Variants in EYA4 observed in about 807,000 individuals in gnomAD.
EYA4 encodes protein phosphatase EYA4.
EYA4 carries 31 observed loss-of-function variants against 87.9 expected under a neutral mutation model. That is an observed-to-expected ratio of 0.35 (90% confidence interval 0.27 to 0.48). The LOEUF is 0.48. Ranked by LOEUF, EYA4 falls within the 20% of genes least tolerant of loss-of-function variation. The pLI is 0.99. For synonymous variants in EYA4, 263 were observed against 270.6 expected (o/e 0.97, Z 0.28); for missense variants, 678 against 761.4 (o/e 0.89, Z 1.29).
chr6:133,369,846 G>A (rs1785133402), intron 2 of EYA4, among the ~76,000 whole-genome samples: 1 of 152,212 alleles, frequency 6.6e-6, no homozygotes, highest in African/African-American at 2.4e-5. Context: ...CAGGTTGCTA[G>A]AGTCTAGGAG....
chr6:133,284,851 AG>A (rs1206400553), intron 2 of EYA4, among the ~76,000 whole-genome samples: 4 of 152,140 alleles, frequency 2.6e-5, no homozygotes, highest in African/African-American at 9.7e-5. Context: ...ATTCTTGTGG[AG>A]GGGGAGACAA....
At chr6:133,331,640 GC>G in intron 2 of EYA4, among the ~76,000 whole-genome samples, 1 of 152,260 alleles carries the variant, frequency 6.6e-6, no homozygotes. Flanking sequence ...TTTTTATACA[GC>G]CATGCTGAGT....
intron 9 of EYA4, among the ~76,000 whole-genome samples, chr6:133,463,153 C>G (rs1355464266): frequency 1.3e-5 from 2 of 152,008 alleles, no homozygotes; most frequent in African/African-American, 4.8e-5. Context: ...TATACTTAAA[C>G]TTGAATTAAC....
At chr6:133,341,135 C>T (rs550872891) in intron 2 of EYA4, among the ~76,000 whole-genome samples, 1 of 152,222 alleles carries the variant, frequency 6.6e-6, no homozygotes, top group Non-Finnish European at 1.5e-5. Flanking sequence ...GAAGATCTTC[C>T]AACCATCCAA....
chr6:133,435,688 C>G (rs977657239), intron 3 of EYA4: 2 of 152,150 alleles, frequency 1.3e-5, no homozygotes, highest in Non-Finnish European at 2.9e-5. Flanking sequence ...TTTAAATGCC[C>G]GTACTTTTTC....
At chr6:133,399,561 CAGA>C (rs1329823199) in intron 3 of EYA4, among the ~76,000 whole-genome samples, 2 of 152,164 alleles carry the variant, frequency 1.3e-5, no homozygotes, top group African/African-American at 4.8e-5. Context: ...TAATGATTCA[CAGA>C]AGAATGTCAA....
intron 14 of EYA4, chr6:133,510,596 A>G (rs1183845289): frequency 4.0e-6 from 1 of 251,024 alleles, no homozygotes. Context: ...TTTTTCAGGA[A>G]GCATAATGCC....
intron 13 of EYA4, among the ~76,000 whole-genome samples, chr6:133,502,068 T>TCA (rs1445062625): frequency 9.5e-4 from 143 of 151,194 alleles, no homozygotes; most frequent in Admixed American, 2.5e-3. Context: ...TCTCTCTCTC[T>TCA]CTCACTCTCT....
chr6:133,396,221 TCC>T (rs1787788282), intron 3 of EYA4, among the ~76,000 whole-genome samples: 1 of 152,208 alleles, frequency 6.6e-6, no homozygotes, highest in East Asian at 1.9e-4. Flanking sequence ...TTGTCAAAAT[TCC>T]ATACCTGTCA....
intron 2 of EYA4, among the ~76,000 whole-genome samples, chr6:133,354,619 T>A (rs1275034582): frequency 2.0e-5 from 3 of 152,232 alleles, no homozygotes; most frequent in Non-Finnish European, 4.4e-5. Context: ...AAATATGTAC[T>A]AATTTCCATT....
At chr6:133,401,414 C>T (rs536315859) in intron 3 of EYA4, among the ~76,000 whole-genome samples, 1 of 152,024 alleles carries the variant, frequency 6.6e-6, no homozygotes, top group African/African-American at 2.4e-5. Flanking sequence ...ATGTTCCTAG[C>T]ATAAAGAAAA....
rs762378482 is a variant in EYA4 at position 133,528,829 on chromosome 6, A to AT, written c.*30dup. 8.1e-6 allele frequency: 13 copies of AT among 1,612,326 alleles called. No homozygotes were observed. Among genetic ancestry groups the AT allele is most frequent in the Admixed American group, 3.3e-5 (2 of 59,944 alleles). ...AACTGTGTTCTTTAGCCGGAGATCC[A>AT]TTTTTTATATTTCAAGTACACTGAA... On this transcript the variant is annotated 3_prime_UTR_variant, in exon 20 of 20. Coordinates refer to ENST00000355286, the MANE Select transcript of EYA4 (RefSeq NM_004100.5).
chr6:133,362,053 A>G (rs1256994431), intron 2 of EYA4, among the ~76,000 whole-genome samples: 1 of 152,232 alleles, frequency 6.6e-6, no homozygotes, highest in Non-Finnish European at 1.5e-5. Flanking sequence ...CACTATAGGT[A>G]GAAACCAAGC....
Position 133,530,187 on chromosome 6 carries a change from T to C in EYA4, c.*1382T>C. The C allele has an allele frequency of 1.0e-6, 1 of 985,412 alleles. No homozygotes were observed. Among genetic ancestry groups the C allele is most frequent in the Non-Finnish European group, 1.2e-6 (1 of 829,906 alleles). The allele number at this position is 985,412 out of a possible 1,614,324, so 61.0% of individuals were successfully genotyped here. A position where few individuals can be genotyped will look rare whatever the true frequency, so the allele number is the denominator to read the frequency against. ...GGCAGCGCTGCTGAAATGACAACAG[T>C]AAAATAATACCTGGTTCTCCATCTG... is the stretch of plus-strand genomic sequence containing the variant. On this transcript the variant is annotated 3_prime_UTR_variant, in exon 20 of 20. Transcript: ENST00000355286.
At chr6:133,409,686 G>A (rs542591830) in intron 3 of EYA4, among the ~76,000 whole-genome samples, 127 of 152,282 alleles carry the variant, frequency 8.3e-4, no homozygotes, top group African/African-American at 2.6e-3. Context: ...ACCAGAGATG[G>A]GAGGAGGGAT....
intron 2 of EYA4, among the ~76,000 whole-genome samples, chr6:133,355,940 G>A (rs1783984969): frequency 6.6e-6 from 1 of 151,924 alleles, no homozygotes; most frequent in Non-Finnish European, 1.5e-5. Flanking sequence ...TTTCTCACAG[G>A]TCTGGAGATT....
At chr6:133,493,634 A>G (rs957946287) in intron 13 of EYA4, among the ~76,000 whole-genome samples, 27 of 152,356 alleles carry the variant, frequency 1.8e-4, no homozygotes, top group African/African-American at 5.8e-4. Context: ...AGCAAAGAAC[A>G]CAGTCAACAA....
intron 4 of EYA4, 126 bp downstream of exon 4, chr6:133,446,880 G>A (rs1280500190): frequency 1.1e-6 from 1 of 948,474 alleles, no homozygotes; most frequent in Non-Finnish European, 1.6e-6. Flanking sequence ...TATATCCAAG[G>A]TATATATAAT....
intron 11 of EYA4, among the ~76,000 whole-genome samples, chr6:133,475,105 T>A (rs1397745161): frequency 6.6e-6 from 1 of 152,108 alleles, no homozygotes; most frequent in Non-Finnish European, 1.5e-5. Context: ...ATGACTGATG[T>A]TACTTGGAAA....
Sources: allele counts gnomAD v4.1 joint callset (sites outside exome capture counted in the v4.1 genomes callset), GRCh38; gene constraint gnomAD v4.1.1; transcripts MANE v1.5; gene names NCBI Gene and HGNC (gene_info 2026-07-23, HGNC 2026-07-21).